Variants in GNAQ observed in about 807,000 individuals in gnomAD.
The protein encoded by GNAQ is guanine nucleotide-binding protein G(q) subunit alpha.
Under a neutral mutation model 43.9 loss-of-function variants are expected in GNAQ, and 8 were observed. The ratio of observed to expected loss-of-function variants is 0.18; its 90% confidence interval spans 0.11 to 0.33. The LOEUF (loss-of-function observed/expected upper bound fraction) is 0.33, where lower values mean the gene tolerates loss of function less well. Among genes scored for constraint, GNAQ ranks in the 10% least tolerant of loss-of-function variants. GNAQ has a pLI of 1.00. For missense variants in GNAQ, 158 were observed against 450.8 expected (o/e 0.35, Z 5.88); for synonymous variants, 155 against 170.7 (o/e 0.91, Z 0.71).
intron 5 of GNAQ, among the ~76,000 whole-genome samples, chr9:77,754,105 C>T (rs759025562): frequency 1.3e-5 from 2 of 152,164 alleles, no homozygotes; most frequent in African/African-American, 2.4e-5. Flanking sequence ...TTAGCCTCAG[C>T]GTGGATGGCA....
intron 2 of GNAQ, among the ~76,000 whole-genome samples, chr9:77,908,469 A>T (rs972085810): frequency 2.6e-5 from 4 of 152,214 alleles, no homozygotes; most frequent in Non-Finnish European, 5.9e-5. Flanking sequence ...CCCCAAACAG[A>T]TATACATTTC....
At chr9:77,825,779 G>A (rs952164563) in intron 2 of GNAQ, among the ~76,000 whole-genome samples, 1 of 152,046 alleles carries the variant, frequency 6.6e-6, no homozygotes, top group African/African-American at 2.4e-5. Context: ...TAAAAAAACT[G>A]GAATAAATGC....
intron 1 of GNAQ, among the ~76,000 whole-genome samples, chr9:78,014,396 G>A (rs1300849972): frequency 2.0e-5 from 3 of 152,048 alleles, no homozygotes; most frequent in East Asian, 1.9e-4. Flanking sequence ...AGGCCTAGAC[G>A]GGCAGATCAC....
At chr9:77,935,508 C>T (rs1829218329) in intron 1 of GNAQ, among the ~76,000 whole-genome samples, 1 of 152,138 alleles carries the variant, frequency 6.6e-6, no homozygotes, top group Non-Finnish European at 1.5e-5. Context: ...TAGGAAGTTG[C>T]CCCTTGGTAG....
At chr9:77,817,128 G>A (rs1333535971) in intron 2 of GNAQ, among the ~76,000 whole-genome samples, 1 of 152,112 alleles carries the variant, frequency 6.6e-6, no homozygotes, top group Non-Finnish European at 1.5e-5. Flanking sequence ...TACCAGCCTG[G>A]AGTCCTGTTC....
intron 1 of GNAQ, among the ~76,000 whole-genome samples, chr9:77,940,828 G>T (rs190057218): frequency 2.6e-5 from 4 of 151,922 alleles, no homozygotes; most frequent in Admixed American, 2.6e-4. Context: ...TTAGCCGGGC[G>T]TGGTGGCAGA....
chr9:77,990,226 ATTTC>A (rs948015356), intron 1 of GNAQ, among the ~76,000 whole-genome samples: 1 of 151,834 alleles, frequency 6.6e-6, no homozygotes. Flanking sequence ...ATTTTATTGT[ATTTC>A]TTTCTTTAAT....
intron 5 of GNAQ, among the ~76,000 whole-genome samples, chr9:77,771,026 G>T (rs1055742800): frequency 6.6e-5 from 10 of 152,036 alleles, no homozygotes; most frequent in Admixed American, 4.6e-4. Flanking sequence ...TTAGTAAGTC[G>T]GTTTTTGGAG....
intron 5 of GNAQ, among the ~76,000 whole-genome samples, chr9:77,775,804 C>T (rs909068943): frequency 6.6e-6 from 1 of 152,038 alleles, no homozygotes; most frequent in Non-Finnish European, 1.5e-5. Context: ...TTTTAAAATT[C>T]AGTTTAGATA....
intron 1 of GNAQ, among the ~76,000 whole-genome samples, chr9:77,930,486 A>G (rs1177759114): frequency 2.6e-5 from 4 of 152,192 alleles, no homozygotes; most frequent in African/African-American, 9.6e-5. Flanking sequence ...ATAAATTTGC[A>G]CTATGAAAGA....
chr9:77,721,190 G>C lies in GNAQ; in HGVS notation c.*133C>G, dbSNP rs1467477058. 1 of 572,658 alleles carries C rather than the reference G, an allele frequency of 1.7e-6. No individual in the cohort carries two copies. Among genetic ancestry groups the C allele is most frequent in the African/African-American group, 1.9e-5 (1 of 52,354 alleles). The allele number at this position is 572,658 out of a possible 1,614,324, so 35.5% of individuals were successfully genotyped here. On this transcript the variant is annotated 3_prime_UTR_variant, in exon 7 of 7. Transcript: ENST00000286548. ...CATAATATTTACTACAAACTCTGTGGACACGCTCACACAGAGTCCAGGACG... is the reference window on the plus strand; with the variant it reads ...CATAATATTTACTACAAACTCTGTGCACACGCTCACACAGAGTCCAGGACG...
At chr9:77,895,174 G>T (rs543862598) in intron 2 of GNAQ, among the ~76,000 whole-genome samples, 1 of 148,990 alleles carries the variant, frequency 6.7e-6, no homozygotes, top group Admixed American at 6.8e-5. Context: ...CTCCAGCCTG[G>T]GTGACAGAGC....
chr9:77,897,464 T>C (rs1376484194), intron 2 of GNAQ, among the ~76,000 whole-genome samples: 1 of 152,202 alleles, frequency 6.6e-6, no homozygotes, highest in East Asian at 1.9e-4. Context: ...AAATTCAATT[T>C]AATCTCACAG....
chr9:77,866,183 A>G (rs1326673638), intron 2 of GNAQ, among the ~76,000 whole-genome samples: 1 of 152,248 alleles, frequency 6.6e-6, no homozygotes, highest in East Asian at 1.9e-4. Flanking sequence ...GATTTAAAAA[A>G]AACAAAAATT....
chr9:78,003,848 G>T (rs558302660), intron 1 of GNAQ, among the ~76,000 whole-genome samples: 1 of 149,932 alleles, frequency 6.7e-6, no homozygotes, highest in South Asian at 2.1e-4. Flanking sequence ...GCTGGAGTCC[G>T]AACTGCACCA....
At chr9:78,028,236 A>G (rs1487896843) in intron 1 of GNAQ, among the ~76,000 whole-genome samples, 1 of 152,244 alleles carries the variant, frequency 6.6e-6, no homozygotes, top group Non-Finnish European at 1.5e-5. Flanking sequence ...AAAAGACAAC[A>G]AGAAAATAAT....
chr9:78,017,176 A>G (rs1380529401), intron 1 of GNAQ, among the ~76,000 whole-genome samples: 1 of 152,202 alleles, frequency 6.6e-6, no homozygotes, highest in Non-Finnish European at 1.5e-5. Flanking sequence ...TCTTCCAGAG[A>G]TGGGAGTAAG....
chr9:77,725,309 A>G (rs1213356013), intron 6 of GNAQ, among the ~76,000 whole-genome samples: 1 of 152,194 alleles, frequency 6.6e-6, no homozygotes, highest in Non-Finnish European at 1.5e-5. Flanking sequence ...TCTTGAAGAG[A>G]AATACAGAAA....
intron 2 of GNAQ, among the ~76,000 whole-genome samples, chr9:77,829,167 T>C (rs1447415782): frequency 6.6e-6 from 1 of 152,222 alleles, no homozygotes; most frequent in East Asian, 1.9e-4. Flanking sequence ...TAGTAGGGGC[T>C]GAATACTAAC....
Sources: allele counts gnomAD v4.1 joint callset (sites outside exome capture counted in the v4.1 genomes callset), GRCh38; gene constraint gnomAD v4.1.1; transcripts MANE v1.5; gene names NCBI Gene and HGNC (gene_info 2026-07-23, HGNC 2026-07-21).